SCART1: variants seen among roughly 807,000 people sequenced by gnomAD.
SCART1 encodes scavenger receptor family member expressed on T cells 1.
SCART1 carries 62 observed loss-of-function variants against 36.2 expected under a neutral mutation model. The observed-to-expected ratio is 1.71, with a 90% CI of 1.40 to 2.12. SCART1 has a LOEUF of 2.12. Ranked by LOEUF, SCART1 falls within the 30% of genes most tolerant of loss-of-function variation. The probability of loss-of-function intolerance (pLI) is 0.00; values close to 1 mark genes in which losing one functional copy is unlikely to be tolerated. For synonymous variants in SCART1, 487 were observed against 238.7 expected (o/e 2.04, Z -9.59); for missense variants, 1,041 against 540.5 (o/e 1.93, Z -9.18).
intron 11 of SCART1, 104 bp downstream of exon 11, chr10:133,467,457 A>C (rs1850775191): frequency 1.6e-6 from 1 of 615,572 alleles, no homozygotes; most frequent in Non-Finnish European, 2.9e-6. Context: ...CTGGCTTCAG[A>C]AGGCTGCTGA....
At position 133,466,880 on chromosome 10, in the gene SCART1, T is replaced by C. The variant is rs1435955169; in HGVS notation, c.2807-318T>C. On this transcript the variant is annotated intron_variant, in intron 10 of 11. Coordinates refer to ENST00000640237, the Ensembl canonical transcript of SCART1. ...GCAGGCTGATCTCACTTAGGGCTCATTTTATTGGCCAGAGAGAGTGGCAGA... is the reference window on the plus strand; with the variant it reads ...GCAGGCTGATCTCACTTAGGGCTCACTTTATTGGCCAGAGAGAGTGGCAGA... 3 of 256,756 alleles carry C rather than the reference T, an allele frequency of 1.2e-5. No homozygotes were observed. The South Asian group carries it at 3.2e-4, about 27-fold the overall frequency. 15.9% of individuals were successfully genotyped at this position (256,756 alleles called of 1,614,324 possible).
intron 11 of SCART1, 93 bp downstream of exon 11, chr10:133,467,446 C>T (rs1490995159): frequency 4.9e-6 from 3 of 617,778 alleles, no homozygotes; most frequent in Non-Finnish European, 8.7e-6. Flanking sequence ...ACCACAGGAG[C>T]CTGGCTTCAG....
intron 6 of SCART1, chr10:133,464,313 TGCAGTGAACCTGGGC>T: frequency 8.0e-6 from 2 of 249,398 alleles, no homozygotes; most frequent in South Asian, 6.1e-5. Flanking sequence ...AACCTGGGCG[TGCAGTGAACCTGGGC>T]GTGCAGTGAA....
At chr10:133,461,797 T>A (rs1850705080) in intron 6 of SCART1, among the ~76,000 whole-genome samples, 1 of 152,230 alleles carries the variant, frequency 6.6e-6, no homozygotes, top group Admixed American at 6.5e-5. Context: ...TCTAGAACAT[T>A]CTGCTGGTTT....
intron 10 of SCART1, chr10:133,466,924 G>A (rs946115686): frequency 3.6e-5 from 12 of 331,518 alleles, no homozygotes; most frequent in Non-Finnish European, 5.5e-5. Context: ...TCAGCCTCCA[G>A]CCCTCAAGAC....
intron 3 of SCART1, chr10:133,457,874 GGA>G: frequency 9.3e-6 from 5 of 538,160 alleles, no homozygotes; most frequent in Admixed American, 7.0e-5. Context: ...TGTCTAACAT[GGA>G]TCGGGGTTGG....
At chr10:133,460,496 A>ATATATATATATATATTTTTTTTTTTTT in intron 6 of SCART1, among the ~76,000 whole-genome samples, 1 of 136,016 alleles carries the variant, frequency 7.4e-6, no homozygotes, top group Non-Finnish European at 1.6e-5. Flanking sequence ...ATATTTATAT[A>ATATATATATATATATTTTTTTTTTTTT]TTTTAAAAAA....
chr10:133,459,768 G>A (rs1320480690), exon 6 of SCART1: 6 of 686,318 alleles, frequency 8.7e-6, no homozygotes, highest in South Asian at 7.6e-5. Flanking sequence ...GCAGGAGCCC[G>A]CGGGGACCTC....
chr10:133,458,602 C>T (rs1256262157), exon 4 of SCART1: 6 of 696,244 alleles, frequency 8.6e-6, no homozygotes, highest in Admixed American at 4.2e-5. Flanking sequence ...CCACTGCCCA[C>T]GGGGGCGTGG....
At chr10:133,459,135 T>C (rs1356449149) in exon 5 of SCART1, 2 of 702,908 alleles carry the variant, frequency 2.8e-6, no homozygotes, top group Non-Finnish European at 5.2e-6. Context: ...GCCACCGTCC[T>C]CTGCCACCAG....
chr10:133,467,626 G>C (rs2133560735), intron 11 of SCART1, among the ~76,000 whole-genome samples: 1 of 152,256 alleles, frequency 6.6e-6, no homozygotes, highest in Admixed American at 6.5e-5. Context: ...GTCTGGCAGG[G>C]GCATATGCTG....
At chr10:133,465,381 C>A (rs1386595042) in exon 9 of SCART1, 2 of 659,384 alleles carry the variant, frequency 3.0e-6, no homozygotes, top group African/African-American at 3.7e-5. Flanking sequence ...TCGTGTGCCG[C>A]CAGCTGGGCT....
chr10:133,464,746 TGTGGGG>T (rs1349339948), exon 7 of SCART1: 11 of 536,350 alleles, frequency 2.1e-5, no homozygotes, highest in African/African-American at 9.7e-5. Flanking sequence ...GCAGCTGGGG[TGTGGGG>T]TGTGGGGAGT....
Position 133,457,437 on chromosome 10 carries a change from G to GC in SCART1, c.550dup (p.Arg184ProfsTer71), listed in dbSNP as rs1365727656. 8.5e-6 allele frequency: 6 copies of GC among 702,206 alleles called. No individual in the cohort carries two copies. Among genetic ancestry groups the GC allele is most frequent in the African/African-American group, 5.2e-5 (3 of 57,226 alleles). 43.5% of individuals were successfully genotyped at this position (702,206 alleles called of 1,614,324 possible). On this transcript the variant is annotated frameshift_variant, in exon 3 of 12. Transcript: ENST00000640237. LOFTEE classifies it high-confidence loss of function. ...GCTGGGGTGCGGCCCTGTGCTCCAG[G>GC]CCCCCCGCCGGGACGTGGGCGTCGT...
intron 6 of SCART1, among the ~76,000 whole-genome samples, chr10:133,460,917 G>A (rs1380023940): frequency 1.3e-5 from 2 of 151,536 alleles, no homozygotes; most frequent in East Asian, 3.9e-4. Flanking sequence ...GTTTATTTTT[G>A]TAGAGATGGA....
chr10:133,469,584 G>C (rs1850795862), downstream of SCART1, among the ~76,000 whole-genome samples: 1 of 151,480 alleles, frequency 6.6e-6, no homozygotes, highest in Admixed American at 6.6e-5. Context: ...CACACACTGG[G>C]GCCTGTCAGG....
intron 1 of SCART1, among the ~76,000 whole-genome samples, chr10:133,455,391 G>C (rs924771730): frequency 6.6e-6 from 1 of 152,094 alleles, no homozygotes; most frequent in Non-Finnish European, 1.5e-5. Context: ...GAGATTCAAG[G>C]CTCCCCAGGA....
chr10:133,457,438 C>A, exon 3 of SCART1: 1 of 702,246 alleles, frequency 1.4e-6, no homozygotes, highest in South Asian at 1.5e-5. Flanking sequence ...GTGCTCCAGG[C>A]CCCCCGCCGG....
intron 10 of SCART1, 98 bp downstream of exon 10, chr10:133,466,479 C>A: frequency 1.6e-6 from 1 of 641,616 alleles, no homozygotes. Flanking sequence ...GGCGGGGTGC[C>A]CCACAGCAGT....
Sources: gnomAD v4.1 joint callset for allele counts (sites outside exome capture counted in the v4.1 genomes callset) on GRCh38, gnomAD v4.1.1 for gene constraint, MANE v1.5 for transcripts, NCBI Gene and HGNC (gene_info 2026-07-23, HGNC 2026-07-21) for gene names.